GLG1: variants seen among roughly 807,000 people sequenced by gnomAD.
The protein encoded by GLG1 is Golgi apparatus protein 1.
A neutral mutation model predicts 160.5 loss-of-function variants in GLG1; 38 were observed. The observed-to-expected ratio is 0.24, with a 90% CI of 0.18 to 0.31. GLG1 has a LOEUF of 0.31. GLG1 is among the 10% of genes least tolerant of loss of function. The probability of loss-of-function intolerance (pLI) is 1.00; values close to 1 mark genes in which losing one functional copy is unlikely to be tolerated. For missense variants in GLG1, 1,373 were observed against 1,505.2 expected (o/e 0.91, Z 1.45); for synonymous variants, 644 against 543.4 (o/e 1.19, Z -2.57).
chr16:74,584,178 C>T (rs1453899958), intron 1 of GLG1, among the ~76,000 whole-genome samples: 4 of 152,084 alleles, frequency 2.6e-5, no homozygotes, highest in Non-Finnish European at 4.4e-5. Context: ...CTAGTTCCCC[C>T]GAAAACAAAA....
intron 1 of GLG1, among the ~76,000 whole-genome samples, chr16:74,577,384 T>C (rs1201846298): frequency 6.6e-6 from 1 of 151,932 alleles, no homozygotes; most frequent in Non-Finnish European, 1.5e-5. Flanking sequence ...AAGCCAGGTG[T>C]GGTGGCAGGC....
chr16:74,580,933 G>A (rs1293570857), intron 1 of GLG1, among the ~76,000 whole-genome samples: 3 of 152,074 alleles, frequency 2.0e-5, no homozygotes, highest in African/African-American at 2.4e-5. Flanking sequence ...TTAGTGCACC[G>A]TTGCACTCCA....
chr16:74,469,927 A>T, intron 16 of GLG1, 58 bp downstream of exon 16: 1 of 1,097,018 alleles, frequency 9.1e-7, no homozygotes. Context: ...TCGCATACTC[A>T]TTCCGGAGCT....
In GLG1 at chr16:74,452,430, C is replaced by A; in HGVS notation, c.*737G>T. 2 of 1,156,204 alleles carry A rather than the reference C, an allele frequency of 1.7e-6. No homozygotes were observed. The highest frequency in any genetic ancestry group is 2.2e-6 in the Non-Finnish European group (2 of 930,042). The allele number at this position is 1,156,204 out of a possible 1,614,324, so 71.6% of individuals were successfully genotyped here. A position where few individuals can be genotyped will look rare whatever the true frequency, so the allele number is the denominator to read the frequency against. ...CGGTCCCTTCCCCTCCCCAGCTGCC[C>A]TTGTCTAGGAAGGCTCATGCTTTGC... On this transcript the variant is annotated 3_prime_UTR_variant, in exon 26 of 26. Transcript: ENST00000422840.
At position 74,452,217 on chromosome 16, in the gene GLG1, C is replaced by T. The variant is rs144939500; in HGVS notation, c.*950G>A. ...CACACCCATCTTCAAGGACCCCTCC[C>T]GCCACAGTCCTGCCTCCTGATGAAG... On this transcript the variant is annotated 3_prime_UTR_variant, in exon 26 of 26. Coordinates refer to ENST00000422840, the MANE Select transcript of GLG1 (RefSeq NM_001145667.2). 56 of 1,539,372 alleles carry T rather than the reference C, an allele frequency of 3.6e-5. No homozygotes were observed. Among genetic ancestry groups the T allele is most frequent in the Admixed American group, 1.2e-4 (6 of 51,064 alleles).
In GLG1 at chr16:74,465,745, C is replaced by T; in HGVS notation, c.2598G>A (p.Leu866=). Residue 866 remains leucine (L), a synonymous_variant, in exon 19 of 26, where the codon CTG becomes CTA. Coordinates refer to ENST00000422840, the MANE Select transcript of GLG1 (RefSeq NM_001145667.2). ...CTGGGTCCATCATCTCTGTCTCCTG[C>T]AGCTTAAATACTTTTTGGTGGCAGC... The part of the protein sequence containing the change: ...STRCHQKVFK[L]QETEMMDPEL... 1 of 1,613,400 alleles carries T rather than the reference C, an allele frequency of 6.2e-7. No homozygotes were observed. The highest frequency in any genetic ancestry group is 8.5e-7 in the Non-Finnish European group (1 of 1,179,364).
At chr16:74,496,885 A>G (rs1390766473) in intron 4 of GLG1, among the ~76,000 whole-genome samples, 1 of 152,202 alleles carries the variant, frequency 6.6e-6, no homozygotes, top group Non-Finnish European at 1.5e-5. Flanking sequence ...CATGCTACAA[A>G]TGGAAACAGA....
intron 1 of GLG1, among the ~76,000 whole-genome samples, chr16:74,601,399 G>T (rs866276037): frequency 5.9e-5 from 9 of 151,450 alleles, no homozygotes; most frequent in Middle Eastern, 3.2e-3. Flanking sequence ...GGGCAACCCG[G>T]CAAGACCTTG....
chr16:74,490,866 T>A, intron 8 of GLG1, 135 bp downstream of exon 8: 1 of 647,312 alleles, frequency 1.5e-6, no homozygotes, highest in South Asian at 1.9e-5. Context: ...CAACGTTCAG[T>A]CTCTGATCAT....
At chr16:74,556,730 G>A (rs944617210) in intron 1 of GLG1, among the ~76,000 whole-genome samples, 2 of 148,450 alleles carry the variant, frequency 1.3e-5, no homozygotes, top group Non-Finnish European at 3.0e-5. Flanking sequence ...ACAAGGTCTT[G>A]CTCTGTCTCA....
At chr16:74,503,815 G>GA in intron 3 of GLG1, 69 bp from the exon 4 acceptor site, 1 of 1,017,526 alleles carries the variant, frequency 9.8e-7, no homozygotes, top group Non-Finnish European at 1.5e-6. Context: ...TTATCAAAGA[G>GA]AAAAATGTCT....
chr16:74,581,780 C>T (rs1412708906), intron 1 of GLG1, among the ~76,000 whole-genome samples: 2 of 152,012 alleles, frequency 1.3e-5, no homozygotes, highest in East Asian at 1.9e-4. Context: ...GGCTTGGTGG[C>T]GGGCGCCTGT....
chr16:74,465,496 T>C (rs370891789), intron 19 of GLG1, among the ~76,000 whole-genome samples, 180 bp downstream of exon 19: 2 of 152,290 alleles, frequency 1.3e-5, no homozygotes, highest in East Asian at 3.9e-4. Context: ...TCCCAGAGTT[T>C]CTGATTCAGC....
intron 3 of GLG1, among the ~76,000 whole-genome samples, chr16:74,508,614 T>C (rs538247450): frequency 1.6e-4 from 24 of 152,222 alleles, no homozygotes; most frequent in African/African-American, 3.6e-4. Context: ...TTGAGACCAA[T>C]AGAACCTGAT....
At chr16:74,515,847 G>C (rs986998652) in intron 2 of GLG1, among the ~76,000 whole-genome samples, 1 of 151,502 alleles carries the variant, frequency 6.6e-6, no homozygotes, top group Admixed American at 6.6e-5. Flanking sequence ...TAAAGGGATG[G>C]AGGAAGATCT....
rs187237802 is a variant in GLG1 at position 74,581,125 on chromosome 16, G to C, written c.438+25532C>G. ...AAAAATAGAATTGCCATATGACCTA[G>C]TAATTCCACTACTGGGTATATACCA... is the stretch of plus-strand genomic sequence containing the variant. On this transcript the variant is annotated intron_variant, in intron 1 of 25. Transcript: ENST00000422840. Among the ~76,000 whole-genome samples the C allele has an allele frequency of 1.8e-3, 269 of 152,270 alleles. 1 individual carries two copies. The highest frequency in any genetic ancestry group is 6.4e-3 in the African/African-American group (264 of 41,564).
chr16:74,498,350 T>C (rs984712745), intron 4 of GLG1, among the ~76,000 whole-genome samples: 1 of 145,024 alleles, frequency 6.9e-6, no homozygotes, highest in Non-Finnish European at 1.5e-5. Context: ...GAGAATCGCT[T>C]GAACCCAGGA....
rs539465920 is a variant in GLG1 at position 74,572,277 on chromosome 16, G to A, written c.438+34380C>T. ...TGTAATCCCAGCACTTGGGGAGGCC[G>A]AAATGGGTGGATCACCTGAGGTCAG... On this transcript the variant is annotated intron_variant, in intron 1 of 25. Coordinates refer to ENST00000422840, the MANE Select transcript of GLG1 (RefSeq NM_001145667.2). 8.5e-5 allele frequency among the ~76,000 whole-genome samples: 13 copies of A among 152,194 alleles called. No individual in the cohort carries two copies. In the South Asian group the frequency reaches 1.5e-3, roughly 17 times the overall value.
intron 1 of GLG1, among the ~76,000 whole-genome samples, chr16:74,585,847 G>C (rs1265793157): frequency 6.6e-6 from 1 of 152,224 alleles, no homozygotes; most frequent in East Asian, 1.9e-4. Context: ...TAGACCACTT[G>C]AGGTCAGGAG....
Sources: gnomAD v4.1 joint callset for allele counts (sites outside exome capture counted in the v4.1 genomes callset) on GRCh38, gnomAD v4.1.1 for gene constraint, MANE v1.5 for transcripts, NCBI Gene and HGNC (gene_info 2026-07-23, HGNC 2026-07-21) for gene names.